The following MDGA2 variants were observed in gnomAD, a reference collection of about 807,000 sequenced individuals.
MDGA2 encodes MAM domain containing glycosylphosphatidylinositol anchor 2.
MDGA2 carries 40 observed loss-of-function variants against 117.8 expected under a neutral mutation model. The observed-to-expected ratio is 0.34, with a 90% CI of 0.26 to 0.44. The LOEUF (loss-of-function observed/expected upper bound fraction) is 0.44, where lower values mean the gene tolerates loss of function less well. MDGA2 is among the 20% of genes least tolerant of loss of function. The probability of loss-of-function intolerance (pLI) is 1.00; values close to 1 mark genes in which losing one functional copy is unlikely to be tolerated. For synonymous variants in MDGA2, 452 were observed against 439.0 expected (o/e 1.03, Z -0.37); for missense variants, 1,123 against 1,250.6 (o/e 0.90, Z 1.54).
intron 2 of MDGA2, among the ~76,000 whole-genome samples, chr14:47,268,223 C>T (rs1888029077): frequency 6.6e-6 from 1 of 152,068 alleles, no homozygotes; most frequent in South Asian, 2.1e-4. Flanking sequence ...CAGGCATGTG[C>T]CACTGCACCT....
Position 47,096,838 on chromosome 14 carries a change from C to G in MDGA2, c.1195+16G>C. 6.2e-7 allele frequency: 1 copy of G among 1,609,962 alleles called. No homozygotes were observed. The highest frequency in any genetic ancestry group is 8.5e-7 in the Non-Finnish European group (1 of 1,176,864). ...ACCTAGGAATCTACGTTGTAACATTCTTTCAGCAAACTTACCTCTCACAAT... is the reference window on the plus strand; with the variant it reads ...ACCTAGGAATCTACGTTGTAACATTGTTTCAGCAAACTTACCTCTCACAAT... On this transcript the variant is annotated intron_variant, in intron 6 of 16. Transcript: ENST00000399232.
Position 47,262,569 on chromosome 14 carries a change from C to T in MDGA2, c.420+38842G>A, listed in dbSNP as rs543106277. Among the ~76,000 whole-genome samples the T allele has an allele frequency of 2.2e-4, 34 of 152,218 alleles. No homozygotes were observed. The South Asian group carries it at 6.6e-3, about 30-fold the overall frequency. ...CAGTGGAAATTCTGATGTTTTTCTCCCTTACTCCATGAATTTGCTTGGGCA... is the reference window on the plus strand; with the variant it reads ...CAGTGGAAATTCTGATGTTTTTCTCTCTTACTCCATGAATTTGCTTGGGCA... On this transcript the variant is annotated intron_variant, in intron 2 of 16. Transcript: ENST00000399232.
intron 1 of MDGA2, among the ~76,000 whole-genome samples, chr14:47,602,842 C>T (rs935214714): frequency 2.0e-5 from 3 of 152,210 alleles, no homozygotes; most frequent in Admixed American, 6.5e-5. Flanking sequence ...CTCCACAGTG[C>T]GGAACGTTAG....
In MDGA2 at chr14:46,854,575, A is replaced by G. The variant is rs146288335; in HGVS notation, c.2883+449T>C. ...CTTATTTAAAGTCATCTTAATTTTA[A>G]TAATCACTGATCAATTACTGATATG... is the stretch of plus-strand genomic sequence containing the variant. On this transcript the variant is annotated intron_variant, in intron 15 of 16. Transcript: ENST00000399232. Among the ~76,000 whole-genome samples, 710 of 151,910 alleles carry G rather than the reference A, an allele frequency of 4.7e-3. 7 individuals carry two copies. Among genetic ancestry groups the G allele is most frequent in the African/African-American group, 0.016 (655 of 41,536 alleles).
chr14:47,137,421 A>G (rs760995682), intron 4 of MDGA2, among the ~76,000 whole-genome samples: 46 of 152,120 alleles, frequency 3.0e-4, no homozygotes, highest in Non-Finnish European at 5.3e-4. Context: ...CCTCATGAAT[A>G]GATGATTAAT....
intron 1 of MDGA2, among the ~76,000 whole-genome samples, chr14:47,364,152 C>CTTT (rs1891182741): frequency 6.6e-6 from 1 of 152,158 alleles, no homozygotes; most frequent in Non-Finnish European, 1.5e-5. Flanking sequence ...GTGATTTCCT[C>CTTT]TGAGTTTATT....
chr14:47,028,909 G>T (rs1460291233), intron 8 of MDGA2, among the ~76,000 whole-genome samples: 1 of 152,046 alleles, frequency 6.6e-6, no homozygotes, highest in Non-Finnish European at 1.5e-5. Flanking sequence ...GCCTGGCCTA[G>T]ATCCTCTTGT....
At chr14:47,463,169 T>C (rs1893527182) in intron 1 of MDGA2, among the ~76,000 whole-genome samples, 1 of 152,206 alleles carries the variant, frequency 6.6e-6, no homozygotes, top group South Asian at 2.1e-4. Context: ...AAATAGTTTT[T>C]AGCAAATTTA....
intron 1 of MDGA2, among the ~76,000 whole-genome samples, chr14:47,508,352 A>ACACTCTCTCTCTCTCTCTCTCTCT (rs149881110): frequency 7.5e-6 from 1 of 132,762 alleles, no homozygotes; most frequent in African/African-American, 2.9e-5. Flanking sequence ...TTGCTGATTG[A>ACACTCTCTCTCTCTCTCTCTCTCT]CTCTCTCTCT....
At chr14:47,179,778 C>T (rs1276422743) in intron 3 of MDGA2, among the ~76,000 whole-genome samples, 1 of 151,880 alleles carries the variant, frequency 6.6e-6, no homozygotes, top group East Asian at 1.9e-4. Context: ...TTCTTCTCAC[C>T]AAAATATTCT....
At chr14:47,034,729 TACACACACACACAC>T (rs59191576) in intron 8 of MDGA2, among the ~76,000 whole-genome samples, 31 of 147,052 alleles carry the variant, frequency 2.1e-4, no homozygotes, top group African/African-American at 5.0e-4. Context: ...ATAATTATCA[TACACACACACACAC>T]ACACACACAC....
intron 8 of MDGA2, among the ~76,000 whole-genome samples, chr14:46,969,312 G>C (rs1448887819): frequency 1.3e-5 from 2 of 152,192 alleles, no homozygotes; most frequent in African/African-American, 4.8e-5. Context: ...CTAGATCCCA[G>C]AGGAATCGCC....
At chr14:47,226,576 A>G (rs1886510802) in intron 2 of MDGA2, among the ~76,000 whole-genome samples, 1 of 152,128 alleles carries the variant, frequency 6.6e-6, no homozygotes, top group Admixed American at 6.5e-5. Context: ...ATGCATGTGG[A>G]GCACTACGAT....
chr14:47,589,823 G>T (rs982294336), intron 1 of MDGA2, among the ~76,000 whole-genome samples: 1 of 151,832 alleles, frequency 6.6e-6, no homozygotes, highest in Non-Finnish European at 1.5e-5. Flanking sequence ...TATGTATTTA[G>T]GTATTCTTTA....
At chr14:47,402,585 G>A (rs1322771069) in intron 1 of MDGA2, among the ~76,000 whole-genome samples, 1 of 152,160 alleles carries the variant, frequency 6.6e-6, no homozygotes, top group Non-Finnish European at 1.5e-5. Flanking sequence ...TGTAGAAAAG[G>A]TAGTGGAAGA....
intron 4 of MDGA2, among the ~76,000 whole-genome samples, chr14:47,139,142 A>G (rs1451720294): frequency 6.6e-6 from 1 of 152,114 alleles, no homozygotes; most frequent in Non-Finnish European, 1.5e-5. Flanking sequence ...ACATATCTTC[A>G]AAAGAAGTTT....
chr14:47,461,289 G>A (rs977477578), intron 1 of MDGA2, among the ~76,000 whole-genome samples: 1 of 151,804 alleles, frequency 6.6e-6, no homozygotes, highest in African/African-American at 2.4e-5. Context: ...GTGTGTGTGT[G>A]TGTGTGTGTA....
intron 1 of MDGA2, among the ~76,000 whole-genome samples, chr14:47,593,861 T>A (rs1896487761): frequency 1.3e-5 from 2 of 152,150 alleles, no homozygotes; most frequent in Admixed American, 1.3e-4. Flanking sequence ...GTCCTGCACA[T>A]GTATCCCGTA....
intron 1 of MDGA2, among the ~76,000 whole-genome samples, chr14:47,330,211 G>A (rs1251597017): frequency 1.3e-5 from 2 of 151,652 alleles, no homozygotes; most frequent in Non-Finnish European, 2.9e-5. Context: ...TTTATATCAG[G>A]TATTTTGTAT....
Sources: allele counts gnomAD v4.1 joint callset (sites outside exome capture counted in the v4.1 genomes callset), GRCh38; gene constraint gnomAD v4.1.1; transcripts MANE v1.5; gene names NCBI Gene and HGNC (gene_info 2026-07-23, HGNC 2026-07-21).